SLIT3: variants seen among roughly 807,000 people sequenced by gnomAD.
SLIT3 encodes the protein slit homolog 3 protein.
A neutral mutation model predicts 184.0 loss-of-function variants in SLIT3; 68 were observed. That is an observed-to-expected ratio of 0.37 (90% CI 0.30 to 0.45). The LOEUF is 0.45. Ranked by LOEUF, SLIT3 falls within the 20% of genes least tolerant of loss-of-function variation. The probability of loss-of-function intolerance (pLI) is 1.00; values close to 1 mark genes in which losing one functional copy is unlikely to be tolerated. For synonymous variants in SLIT3, 831 were observed against 828.6 expected, an observed-to-expected ratio of 1.00 and a Z score of -0.05; for missense variants, 1,707 against 2,026.0, an observed-to-expected ratio of 0.84 and a Z score of 3.02.
chr5:168,789,900 C>T (rs773332348), intron 10 of SLIT3: 2 of 405,224 alleles, frequency 4.9e-6, no homozygotes, highest in Non-Finnish European at 8.8e-6. Context: ...AGGCTGTGAA[C>T]ACGTGAACCA....
intron 14 of SLIT3, chr5:168,768,270 G>C (rs41275327): frequency 4.0e-6 from 2 of 496,248 alleles, no homozygotes; most frequent in Non-Finnish European, 4.2e-6. Flanking sequence ...TCAAGGTCAG[G>C]AAGCAGCGTC....
At chr5:169,093,375 C>G (rs1759660065) in intron 4 of SLIT3, among the ~76,000 whole-genome samples, 1 of 150,342 alleles carries the variant, frequency 6.7e-6, no homozygotes, top group East Asian at 2.0e-4. Flanking sequence ...CAAACTGGAG[C>G]CAGGATTTGA....
In SLIT3 at chr5:168,864,223, T is replaced by C. The variant is rs139513810; in HGVS notation, c.485+19042A>G. ...CAAATAAAAGGCACATGTGAACAAA[T>C]ACAAGCATAATGCTTAAAAACACAA... On this transcript the variant is annotated intron_variant, in intron 5 of 35. Transcript: ENST00000519560. 3.6e-3 allele frequency among the ~76,000 whole-genome samples: 550 copies of C among 152,160 alleles called. 2 individuals are homozygous for C. The highest frequency in any genetic ancestry group is 0.013 in the African/African-American group (530 of 41,512).
At chr5:168,779,220 A>G (rs1755879083) in intron 12 of SLIT3, among the ~76,000 whole-genome samples, 1 of 152,226 alleles carries the variant, frequency 6.6e-6, no homozygotes, top group Non-Finnish European at 1.5e-5. Context: ...ACGACATCAT[A>G]GCCCAAAGAT....
At chr5:169,048,997 G>A (rs144907538) in intron 4 of SLIT3, among the ~76,000 whole-genome samples, 7 of 152,316 alleles carry the variant, frequency 4.6e-5, no homozygotes, top group African/African-American at 1.7e-4. Context: ...GACATTCAGT[G>A]GATGACTGAA....
chr5:169,102,399 G>A (rs1289082986), intron 4 of SLIT3, among the ~76,000 whole-genome samples: 1 of 152,002 alleles, frequency 6.6e-6, no homozygotes, highest in Non-Finnish European at 1.5e-5. Flanking sequence ...CCTATCCCTA[G>A]GACACCAAAA....
chr5:169,007,991 C>T (rs533090798), intron 4 of SLIT3, among the ~76,000 whole-genome samples: 3 of 152,296 alleles, frequency 2.0e-5, no homozygotes, highest in Admixed American at 6.5e-5. Flanking sequence ...TTGTGGAGCC[C>T]CATCCCTGGA....
intron 32 of SLIT3, among the ~76,000 whole-genome samples, chr5:168,676,354 A>G (rs1396066876): frequency 6.6e-6 from 1 of 152,254 alleles, no homozygotes. Context: ...ATGACAACTT[A>G]TCAATGTAAG....
intron 5 of SLIT3, among the ~76,000 whole-genome samples, chr5:168,849,138 A>C (rs1758586473): frequency 6.6e-6 from 1 of 152,256 alleles, no homozygotes; most frequent in Non-Finnish European, 1.5e-5. Flanking sequence ...AGATATCTTC[A>C]GAAATAGGCT....
intron 4 of SLIT3, among the ~76,000 whole-genome samples, chr5:169,075,959 G>A (rs1758723119): frequency 6.6e-6 from 1 of 152,186 alleles, no homozygotes; most frequent in African/African-American, 2.4e-5. Context: ...TCTACATCTT[G>A]GGGAGGGGTG....
At chr5:169,107,065 G>T (rs1031270225) in intron 4 of SLIT3, among the ~76,000 whole-genome samples, 1 of 152,232 alleles carries the variant, frequency 6.6e-6, no homozygotes, top group Non-Finnish European at 1.5e-5. Context: ...GCTGCTGGGC[G>T]TCCTTGCAGC....
chr5:168,938,638 T>C (rs1762237044), intron 4 of SLIT3, among the ~76,000 whole-genome samples: 1 of 152,184 alleles, frequency 6.6e-6, no homozygotes, highest in East Asian at 1.9e-4. Flanking sequence ...ATGATTATTA[T>C]TATTTTTTTT....
At chr5:168,794,852 C>T (rs1471933844) in intron 10 of SLIT3, among the ~76,000 whole-genome samples, 1 of 152,284 alleles carries the variant, frequency 6.6e-6, no homozygotes, top group East Asian at 1.9e-4. Flanking sequence ...TTCCTGAGAG[C>T]TCAGGGCTCC....
intron 18 of SLIT3, 168 bp downstream of exon 18, chr5:168,752,787 G>C (rs943595734): frequency 1.4e-5 from 9 of 639,898 alleles, no homozygotes; most frequent in African/African-American, 1.3e-4. Context: ...GGTGTGTGCA[G>C]CCTCAACACC....
chr5:169,201,351 A>T (rs187128519), intron 3 of SLIT3, among the ~76,000 whole-genome samples: 221 of 152,320 alleles, frequency 1.5e-3, no homozygotes, highest in African/African-American at 5.0e-3. Context: ...GAACCCTTTT[A>T]AAAAATAACC....
intron 4 of SLIT3, among the ~76,000 whole-genome samples, chr5:169,081,202 G>A (rs552284486): frequency 1.6e-4 from 25 of 152,296 alleles, no homozygotes; most frequent in African/African-American, 4.8e-4. Context: ...TCTGCCTCCC[G>A]CTCTGGGGCC....
At position 168,710,882 on chromosome 5, in the gene SLIT3, G is replaced by T; in HGVS notation, c.2719+13C>A. 1 of 1,510,438 alleles carries T rather than the reference G, an allele frequency of 6.6e-7. No individual in the cohort carries two copies. Among genetic ancestry groups the T allele is most frequent in the Non-Finnish European group, 8.9e-7 (1 of 1,121,830 alleles). 93.6% of individuals were successfully genotyped at this position (1,510,438 alleles called of 1,614,324 possible). A position where few individuals can be genotyped will look rare whatever the true frequency, so the allele number is the denominator to read the frequency against. ...AGAGGGGCAGGGGAGGGTGGGGTGT[G>T]GGCGTCACCTACCTTTGCACTGGAA... On this transcript the variant is annotated intron_variant, in intron 25 of 35. Transcript: ENST00000519560.
intron 3 of SLIT3, among the ~76,000 whole-genome samples, chr5:169,210,338 A>G (rs1160155353): frequency 1.3e-5 from 2 of 152,220 alleles, no homozygotes; most frequent in Non-Finnish European, 2.9e-5. Flanking sequence ...TACTTGCATT[A>G]TATTTTTTAT....
chr5:169,164,215 C>T (rs1159171210), intron 4 of SLIT3, among the ~76,000 whole-genome samples: 3 of 152,206 alleles, frequency 2.0e-5, no homozygotes, highest in Admixed American at 6.5e-5. Context: ...GTACCATCCT[C>T]GGACTCCCCA....
Sources: allele counts gnomAD v4.1 joint callset (sites outside exome capture counted in the v4.1 genomes callset), GRCh38; gene constraint gnomAD v4.1.1; transcripts MANE v1.5; gene names NCBI Gene and HGNC (gene_info 2026-07-23, HGNC 2026-07-21).